TBC1D4: variants seen among roughly 807,000 people sequenced by gnomAD.
TBC1D4 encodes the protein TBC1 domain family member 4.
A neutral mutation model predicts 142.5 loss-of-function variants in TBC1D4; 121 were observed. The ratio of observed to expected loss-of-function variants is 0.85; its 90% CI spans 0.73 to 0.99. The LOEUF is 0.99. TBC1D4 is among the 50% of genes least tolerant of loss of function. The pLI is 0.00. For synonymous variants in TBC1D4, 630 were observed against 628.2 expected (o/e 1.00, Z -0.04); for missense variants, 1,475 against 1,606.6 (o/e 0.92, Z 1.40).
At chr13:75,378,952 G>A (rs1166324926) in intron 1 of TBC1D4, among the ~76,000 whole-genome samples, 2 of 152,076 alleles carry the variant, frequency 1.3e-5, no homozygotes, top group African/African-American at 4.8e-5. Flanking sequence ...AACATTTGCA[G>A]TATGGCAGTT....
chr13:75,364,450 A>G (rs960608023), intron 1 of TBC1D4, among the ~76,000 whole-genome samples: 4 of 152,274 alleles, frequency 2.6e-5, no homozygotes, highest in African/African-American at 9.6e-5. Context: ...ATTTCCTATG[A>G]AAGGATAAAA....
At chr13:75,334,111 T>C (rs958715236) in intron 8 of TBC1D4, among the ~76,000 whole-genome samples, 2 of 152,048 alleles carry the variant, frequency 1.3e-5, no homozygotes, top group Admixed American at 1.3e-4. Flanking sequence ...ACAGCAAATA[T>C]CTTATTTATG....
At chr13:75,413,988 T>C (rs900263326) in intron 1 of TBC1D4, among the ~76,000 whole-genome samples, 2 of 152,190 alleles carry the variant, frequency 1.3e-5, no homozygotes, top group Non-Finnish European at 2.9e-5. Context: ...AAAAAACAAT[T>C]GTCTCTTCAA....
At chr13:75,335,914 A>G (rs1292290911) in intron 8 of TBC1D4, among the ~76,000 whole-genome samples, 12 of 152,222 alleles carry the variant, frequency 7.9e-5, no homozygotes. Context: ...ATGAACTAAT[A>G]CAATGGGCAA....
intron 1 of TBC1D4, among the ~76,000 whole-genome samples, chr13:75,422,777 A>G (rs1212334880): frequency 6.6e-6 from 1 of 152,136 alleles, no homozygotes; most frequent in Non-Finnish European, 1.5e-5. Flanking sequence ...TGTACTTCTA[A>G]ATGTCACAGA....
At position 75,309,971 on chromosome 13, in the gene TBC1D4, C is replaced by T. The variant is rs1412533181; in HGVS notation, c.2564G>A (p.Arg855Gln). The T allele has an allele frequency of 4.3e-6, 7 of 1,613,938 alleles. No homozygotes were observed. The highest frequency in any genetic ancestry group is 2.2e-5 in the South Asian group (2 of 91,058). ...KAIHQQILLL[R>Q]MEKENQKLEA... The stretch of plus-strand genomic sequence containing the variant: ...AAGTTTCTGGTTTTCTTTTTCCATT[C>T]GAAGTAACAAGATTTGTTGGTGTAT... The change falls in exon 14 of 21, where the codon CGA becomes CAA. Residue 855 changes from arginine to glutamine, a missense_variant. Physicochemically the swap from Arg to Gln is conservative, Grantham distance 43. Transcript: ENST00000377636.
intron 1 of TBC1D4, among the ~76,000 whole-genome samples, chr13:75,478,242 A>G (rs961584102): frequency 1.3e-5 from 2 of 152,204 alleles, no homozygotes; most frequent in African/African-American, 4.8e-5. Context: ...AAACTTTGCC[A>G]TGGTGACCAT....
intron 17 of TBC1D4, among the ~76,000 whole-genome samples, chr13:75,295,384 A>G (rs533236747): frequency 6.6e-6 from 1 of 152,308 alleles, no homozygotes; most frequent in African/African-American, 2.4e-5. Flanking sequence ...TAATTCCAGA[A>G]AAGCCTCCAT....
chr13:75,315,405 T>TATATATATATACACAC (rs1566370386), intron 12 of TBC1D4, among the ~76,000 whole-genome samples: 1 of 16,584 alleles, frequency 6.0e-5, no homozygotes, highest in East Asian at 0.011. Context: ...TATACACACA[T>TATATATATATACACAC]ATATATATAT....
chr13:75,306,163 G>T (rs959491492), intron 15 of TBC1D4, 150 bp downstream of exon 15: 2 of 727,616 alleles, frequency 2.7e-6, no homozygotes, highest in Non-Finnish European at 4.4e-6. Flanking sequence ...CTAAACTACA[G>T]GAAGAAACAA....
At chr13:75,376,130 C>A (rs1883491830) in intron 1 of TBC1D4, 1 of 152,074 alleles carries the variant, frequency 6.6e-6, no homozygotes, top group Non-Finnish European at 1.5e-5. Flanking sequence ...CAAGTCAAAG[C>A]TGCAGAGATA....
chr13:75,314,754 G>A (rs991246718), intron 12 of TBC1D4, among the ~76,000 whole-genome samples: 7 of 151,194 alleles, frequency 4.6e-5, no homozygotes, highest in Non-Finnish European at 1.0e-4. Flanking sequence ...ATCACCTGAG[G>A]TCAGGAGTTC....
rs1007156552 is a variant in TBC1D4 at position 75,478,617 on chromosome 13, G to A, written c.498+2653C>T. On this transcript the variant is annotated intron_variant, in intron 1 of 20. Coordinates refer to ENST00000377636, the MANE Select transcript of TBC1D4 (RefSeq NM_014832.5). ...CAGCAGGTCTTCCTTCTGATTTCAA[G>A]GGTCCCTAGAACTATCCACAGCCAA... 2.6e-5 allele frequency among the ~76,000 whole-genome samples: 4 copies of A among 152,238 alleles called. No individual in the cohort carries two copies. In the East Asian group the frequency reaches 7.7e-4, roughly 29 times the overall value.
chr13:75,345,247 G>A (rs1032631166), intron 5 of TBC1D4, among the ~76,000 whole-genome samples: 1 of 152,224 alleles, frequency 6.6e-6, no homozygotes, highest in Admixed American at 6.5e-5. Flanking sequence ...GATGGAATGG[G>A]CTAATACATG....
chr13:75,283,813 T>C lies in TBC1D4; in HGVS notation c.*2979A>G, dbSNP rs1332555838. 1.3e-5 allele frequency among the ~76,000 whole-genome samples: 2 copies of C among 152,226 alleles called. No homozygotes were observed. The highest frequency in any genetic ancestry group is 2.9e-5 in the Non-Finnish European group (2 of 68,036). ...ATAAATGTCTCCTAAATTATCTTTG[T>C]TGTCTGACTCTATTAGGAAGAATTA... On this transcript the variant is annotated 3_prime_UTR_variant, in exon 21 of 21. Coordinates refer to ENST00000377636, the MANE Select transcript of TBC1D4 (RefSeq NM_014832.5).
chr13:75,384,394 G>T (rs1331777326), intron 1 of TBC1D4, among the ~76,000 whole-genome samples: 1 of 152,066 alleles, frequency 6.6e-6, no homozygotes, highest in African/African-American at 2.4e-5. Flanking sequence ...TGAGATTGCT[G>T]CACTCCAGCC....
intron 8 of TBC1D4, among the ~76,000 whole-genome samples, chr13:75,328,901 T>G (rs1412163520): frequency 1.3e-5 from 2 of 152,148 alleles, no homozygotes; most frequent in Non-Finnish European, 2.9e-5. Flanking sequence ...AAGTTTATAA[T>G]GAAAAGTGGT....
intron 1 of TBC1D4, among the ~76,000 whole-genome samples, chr13:75,409,983 T>C (rs1757900560): frequency 6.6e-6 from 1 of 152,206 alleles, no homozygotes; most frequent in Non-Finnish European, 1.5e-5. Context: ...AGCTTTCAGA[T>C]TTTTAAATTT....
intron 8 of TBC1D4, among the ~76,000 whole-genome samples, chr13:75,335,402 C>G (rs990722823): frequency 1.3e-5 from 2 of 152,126 alleles, no homozygotes; most frequent in African/African-American, 4.8e-5. Flanking sequence ...GAAGGGGAAC[C>G]ATTTTGCTTA....
Sources: allele counts gnomAD v4.1 joint callset (sites outside exome capture counted in the v4.1 genomes callset), GRCh38; gene constraint gnomAD v4.1.1; transcripts MANE v1.5; gene names NCBI Gene and HGNC (gene_info 2026-07-23, HGNC 2026-07-21).